The following SLC16A2 variants were observed in gnomAD, a reference collection of about 807,000 sequenced individuals.
SLC16A2 encodes the protein monocarboxylate transporter 8.
Under a neutral mutation model 27.2 loss-of-function variants are expected in SLC16A2, and 3 were observed. The ratio of observed to expected loss-of-function variants is 0.11; its 90% CI spans 0.05 to 0.28. The LOEUF (loss-of-function observed/expected upper bound fraction) is 0.28. SLC16A2 is among the 10% of genes least tolerant of loss of function. The pLI is 1.00. For synonymous variants in SLC16A2, 202 were observed against 187.8 expected, an observed-to-expected ratio of 1.08 and a Z score of -0.62; for missense variants, 295 against 458.5, an observed-to-expected ratio of 0.64 and a Z score of 3.26.
intron 1 of SLC16A2, among the ~76,000 whole-genome samples, chrX:74,423,093 G>C (rs775959787): frequency 8.9e-6 from 1 of 112,856 alleles, no homozygotes; most frequent in Non-Finnish European, 1.9e-5. Context: ...GCTGGGAGAA[G>C]TCAGAGGAAC....
chrX:74,458,294 C>T (rs1353358443), intron 1 of SLC16A2, among the ~76,000 whole-genome samples: 2 of 112,075 alleles, frequency 1.8e-5, no homozygotes, highest in African/African-American at 6.5e-5. Flanking sequence ...AGTTAATTAA[C>T]ACATCCATCA....
intron 1 of SLC16A2, among the ~76,000 whole-genome samples, chrX:74,481,624 G>T (rs1357305845): frequency 2.7e-5 from 3 of 109,128 alleles, no homozygotes; most frequent in Admixed American, 2.0e-4. Flanking sequence ...TTAAACGTTT[G>T]CCAGTTCTGT....
At chrX:74,491,592 G>A (rs1194412428) in intron 1 of SLC16A2, among the ~76,000 whole-genome samples, 1 of 111,889 alleles carries the variant, frequency 8.9e-6, no homozygotes, top group Non-Finnish European at 1.9e-5. Context: ...TCCCATCATG[G>A]CCTGAAACAG....
At chrX:74,457,562 GTATTTTATTTCCAGACTTTTTACTTTT>G in intron 1 of SLC16A2, among the ~76,000 whole-genome samples, 1 of 111,737 alleles carries the variant, frequency 8.9e-6, no homozygotes, top group Non-Finnish European at 1.9e-5. Context: ...TAGATCAGAA[GTATTTTATTTCCAGACTTTTTACTTTT>G]TCTTTACCCA....
chrX:74,515,490 C>G (rs1486577989), intron 1 of SLC16A2, among the ~76,000 whole-genome samples: 1 of 111,824 alleles, frequency 8.9e-6, no homozygotes, highest in African/African-American at 3.3e-5. Flanking sequence ...ATACTTGAAG[C>G]AATAATTGCT....
At chrX:74,487,708 C>T (rs777988944) in intron 1 of SLC16A2, among the ~76,000 whole-genome samples, 2 of 111,752 alleles carry the variant, frequency 1.8e-5, no homozygotes, top group African/African-American at 3.3e-5. Flanking sequence ...TTATACTCTC[C>T]GGTTTTAAAA....
At chrX:74,494,936 C>T (rs1157947634) in intron 1 of SLC16A2, among the ~76,000 whole-genome samples, 2 of 111,277 alleles carry the variant, frequency 1.8e-5, no homozygotes. Context: ...GTAAAGGCCT[C>T]CACCACTCCT....
intron 1 of SLC16A2, among the ~76,000 whole-genome samples, chrX:74,434,817 T>G (rs905059439): frequency 2.4e-5 from 2 of 83,655 alleles, no homozygotes; most frequent in East Asian, 6.5e-4. Context: ...TCTTAGTTTG[T>G]TTTTTTTTTT....
chrX:74,532,958 G>C lies in SLC16A2; in HGVS notation c.*1405G>C, dbSNP rs1309766859. On this transcript the variant is annotated 3_prime_UTR_variant, in exon 6 of 6. Transcript: ENST00000587091. ...CCCAGTGCCCCTGGCTAGGGGCAGA[G>C]GGCACTGCCAGGCTGTGTTCAGTTA... 1 of 112,175 alleles carries C rather than the reference G, an allele frequency of 8.9e-6. No homozygotes were observed. Among genetic ancestry groups the C allele is most frequent in the Non-Finnish European group, 1.9e-5 (1 of 53,057 alleles). 9.2% of individuals were successfully genotyped at this position (112,175 alleles called of 1,213,427 possible). A position where few individuals can be genotyped will look rare whatever the true frequency, so the allele number is the denominator to read the frequency against.
chrX:74,467,767 C>G (rs952627119), intron 1 of SLC16A2, among the ~76,000 whole-genome samples: 2 of 111,598 alleles, frequency 1.8e-5, no homozygotes, highest in African/African-American at 6.5e-5. Context: ...TGCTCCATGA[C>G]ATAGAAATCT....
chrX:74,531,225 C>T (rs1018267851), intron 5 of SLC16A2, 108 bp from the exon 6 acceptor site: 15 of 652,509 alleles, frequency 2.3e-5, no homozygotes, highest in African/African-American at 1.1e-4. Context: ...AGGCAATACA[C>T]GCCAAGATTA....
intron 1 of SLC16A2, among the ~76,000 whole-genome samples, chrX:74,425,945 C>G (rs916445562): frequency 2.7e-5 from 3 of 111,667 alleles, no homozygotes; most frequent in African/African-American, 9.8e-5. Context: ...GGAAGGTTCA[C>G]TACTAGGCAC....
chrX:74,524,592 T>C lies in SLC16A2; in HGVS notation c.809T>C (p.Met270Thr). The C allele has an allele frequency of 1.7e-6, 2 of 1,211,280 alleles. No homozygotes were observed. Among genetic ancestry groups the C allele is most frequent in the Non-Finnish European group, 2.2e-6 (2 of 895,397 alleles). The change falls in exon 3 of 6, where the codon ATG becomes ACG. Residue 270 changes from methionine to threonine, a missense_variant. By Grantham distance (81) the Met-to-Thr change is moderately conservative. Coordinates refer to ENST00000587091, the MANE Select transcript of SLC16A2 (RefSeq NM_006517.5). ...AQTFQVLSTF[M>T]FVLMLLSLTY... ...ACCTTCCAGGTGCTGAGTACCTTCA[T>C]GTTTGTTCTTATGCTGCTTTCACTC...
chrX:74,448,041 A>G (rs1324600236), intron 1 of SLC16A2, among the ~76,000 whole-genome samples: 1 of 111,730 alleles, frequency 9.0e-6, no homozygotes, highest in Admixed American at 9.5e-5. Context: ...TGACATTGTT[A>G]TGATAAAGTA....
chrX:74,512,596 G>C (rs911120257), intron 1 of SLC16A2, among the ~76,000 whole-genome samples: 33 of 112,313 alleles, frequency 2.9e-4, no homozygotes, highest in African/African-American at 1.1e-3. Context: ...TGGAGAGTTT[G>C]GCTCTTGGAG....
intron 1 of SLC16A2, among the ~76,000 whole-genome samples, chrX:74,460,333 A>G (rs919183058): frequency 8.9e-6 from 1 of 111,748 alleles, no homozygotes; most frequent in Non-Finnish European, 1.9e-5. Flanking sequence ...TCATGAATCC[A>G]TGATGGTGTT....
intron 1 of SLC16A2, among the ~76,000 whole-genome samples, chrX:74,512,210 A>G (rs1379479226): frequency 8.9e-6 from 1 of 112,240 alleles, no homozygotes; most frequent in Non-Finnish European, 1.9e-5. Context: ...CTAGATGTAG[A>G]CACATCACCA....
intron 1 of SLC16A2, among the ~76,000 whole-genome samples, chrX:74,493,789 C>G (rs1011462193): frequency 1.8e-5 from 2 of 111,347 alleles, no homozygotes; most frequent in East Asian, 5.7e-4. Context: ...CGTGCATTCC[C>G]TCTCTGTCTC....
intron 1 of SLC16A2, among the ~76,000 whole-genome samples, chrX:74,492,219 C>T (rs893315186): frequency 3.6e-5 from 4 of 111,447 alleles, no homozygotes; most frequent in African/African-American, 6.5e-5. Context: ...GAGGGGGACT[C>T]ATAGAAGAGA....
Sources: allele counts gnomAD v4.1 joint callset (sites outside exome capture counted in the v4.1 genomes callset), GRCh38; gene constraint gnomAD v4.1.1; transcripts MANE v1.5; gene names NCBI Gene and HGNC (gene_info 2026-07-23, HGNC 2026-07-21).